CORO7: variants seen among roughly 807,000 people sequenced by gnomAD.
The protein encoded by CORO7 is coronin-7.
CORO7 carries 107 observed loss-of-function variants against 126.6 expected under a neutral mutation model. The ratio of observed to expected loss-of-function variants is 0.85; its 90% CI spans 0.72 to 0.99. CORO7 has a LOEUF of 0.99. Ranked by LOEUF, CORO7 falls within the 50% of genes least tolerant of loss-of-function variation. The pLI is 0.00. For synonymous variants in CORO7, 603 were observed against 536.8 expected (o/e 1.12, Z -1.70); for missense variants, 1,314 against 1,255.8 (o/e 1.05, Z -0.70).
At position 4,408,095 on chromosome 16, in the gene CORO7, A is replaced by G. The variant is rs552412907; in HGVS notation, c.303+86T>C. ...GTGGGGCTGGACTGGGAGGCAGCAGAGCCCTGTGGGGATGGCGCTGGGGCT... is the reference window on the plus strand; with the variant it reads ...GTGGGGCTGGACTGGGAGGCAGCAGGGCCCTGTGGGGATGGCGCTGGGGCT... On this transcript the variant is annotated intron_variant, in intron 4 of 27. Coordinates refer to ENST00000251166, the MANE Select transcript of CORO7 (RefSeq NM_024535.5). 78 of 1,591,648 alleles carry G rather than the reference A, an allele frequency of 4.9e-5. No individual in the cohort carries two copies. In the African/African-American group the frequency reaches 8.2e-4, roughly 17 times the overall value.
rs2055333240 is a variant in CORO7 at position 4,390,047 on chromosome 16, T to A, written c.616-1416A>T. On this transcript the variant is annotated intron_variant, in intron 7 of 27. Transcript: ENST00000251166. ...CCACACACTATTCGAGATGACATGG[T>A]GAATAAAATGGGGAAAGTCCCTGTG... 2.6e-5 allele frequency among the ~76,000 whole-genome samples: 4 copies of A among 152,018 alleles called. No homozygotes were observed. The South Asian group carries it at 8.3e-4, about 32-fold the overall frequency.
At chr16:4,390,315 C>A (rs2055343349) in intron 7 of CORO7, among the ~76,000 whole-genome samples, 1 of 151,900 alleles carries the variant, frequency 6.6e-6, no homozygotes, top group Non-Finnish European at 1.5e-5. Flanking sequence ...TTAACCTTTC[C>A]TATGGTGCTG....
At chr16:4,407,927 G>A (rs1278364192) in intron 4 of CORO7, among the ~76,000 whole-genome samples, 2 of 152,170 alleles carry the variant, frequency 1.3e-5, no homozygotes, top group Admixed American at 1.3e-4. Flanking sequence ...CAGAGTTGGG[G>A]AAGTGGCTCT....
In CORO7 at chr16:4,360,975, C is replaced by G. The variant is rs201960728; in HGVS notation, c.1885G>C (p.Asp629His). The G allele has an allele frequency of 3.7e-5, 60 of 1,612,656 alleles. No individual in the cohort carries two copies. Among genetic ancestry groups the G allele is most frequent in the Admixed American group, 3.0e-4 (18 of 60,026 alleles). The change falls in exon 19 of 28, where the codon GAT (aspartate) becomes CAT (histidine). Residue 629 changes from aspartate (D) to histidine (H), a missense_variant. Physicochemically the swap from Asp to His is moderately conservative, Grantham distance 81. Coordinates refer to ENST00000251166, the MANE Select transcript of CORO7 (RefSeq NM_024535.5). The part of the protein sequence containing the change: ...VRIWDLQAGA[D>H]RLKLQGHQDQ... ...TGGTGGCCCTGCAGCTTCAGCCGAT[C>G]AGCTCCAGCCTGAAGGTCCCAGATG...
At chr16:4,355,454 G>A in intron 26 of CORO7, 82 bp from the exon 27 acceptor site, 2 of 1,442,678 alleles carry the variant, frequency 1.4e-6, no homozygotes, top group Non-Finnish European at 1.9e-6. Flanking sequence ...ACCCTGACAA[G>A]GCTGTGAAAA....
At chr16:4,372,175 G>A (rs1049629592) in intron 9 of CORO7, among the ~76,000 whole-genome samples, 3 of 152,006 alleles carry the variant, frequency 2.0e-5, no homozygotes, top group Non-Finnish European at 2.9e-5. Context: ...CTCCCCCGCC[G>A]TCCTGGGGCG....
intron 9 of CORO7, 66 bp downstream of exon 9, chr16:4,387,920 G>A: frequency 6.3e-7 from 1 of 1,590,296 alleles, no homozygotes; most frequent in Non-Finnish European, 8.6e-7. Flanking sequence ...GGCCGGATCA[G>A]GTGCCCTCAC....
At chr16:4,399,661 G>A (rs143311218) in intron 6 of CORO7, among the ~76,000 whole-genome samples, 20 of 152,238 alleles carry the variant, frequency 1.3e-4, no homozygotes, top group Admixed American at 2.0e-4. Context: ...AGGTCAAGGC[G>A]GGAGGATCAT....
At chr16:4,355,659 G>C (rs112842084) in intron 26 of CORO7, 12,201 of 368,792 alleles carry the variant, frequency 0.033, 278 homozygotes, top group Admixed American at 0.091. Context: ...TAGTAGAGAC[G>C]GGGGTTTCAC....
chr16:4,373,017 G>A (rs951057047), intron 9 of CORO7, among the ~76,000 whole-genome samples: 4 of 152,178 alleles, frequency 2.6e-5, no homozygotes, highest in African/African-American at 9.7e-5. Flanking sequence ...TTTGGGTGTT[G>A]AGGGCATAGA....
At chr16:4,368,781 G>A (rs534040592) in intron 9 of CORO7, among the ~76,000 whole-genome samples, 148 of 151,802 alleles carry the variant, frequency 9.7e-4, no homozygotes, top group Non-Finnish European at 3.4e-4. Flanking sequence ...CATCAGCCTG[G>A]GTAACACAGC....
intron 3 of CORO7, among the ~76,000 whole-genome samples, chr16:4,409,123 C>T (rs1156690578): frequency 1.3e-5 from 2 of 152,104 alleles, no homozygotes; most frequent in Non-Finnish European, 2.9e-5. Context: ...GTGAACAGGA[C>T]GAGAGGTATC....
chr16:4,379,223 G>A (rs892657070), intron 9 of CORO7, among the ~76,000 whole-genome samples: 3 of 152,116 alleles, frequency 2.0e-5, no homozygotes, highest in Admixed American at 2.0e-4. Flanking sequence ...CAGCACAAAG[G>A]GCTCTTGTGT....
At position 4,413,376 on chromosome 16, in the gene CORO7, G is replaced by A. The variant is rs2056286633; in HGVS notation, c.89C>T (p.Thr30Ile). The change falls in exon 2 of 28, where the codon ACC (threonine) becomes ATC (isoleucine). Residue 30 changes from threonine to isoleucine, a missense_variant. Physicochemically the swap from Thr to Ile is moderately conservative, Grantham distance 89 (BLOSUM62 -1). Transcript: ENST00000251166. ...ESWISDIRAG[T>I]APSCRNHIKS... is the part of the protein sequence containing the mutation. ...GATGTGGTTCCTGCATGAAGGGGCG[G>A]TTCCTGCTCGAATGTCACTGATCCA... The A allele has an allele frequency of 6.3e-7, 1 of 1,580,828 alleles. No homozygotes were observed. Among genetic ancestry groups the A allele is most frequent in the Non-Finnish European group, 8.6e-7 (1 of 1,162,110 alleles).
rs752293415 is a variant in CORO7 at position 4,381,566 on chromosome 16, G to A, written c.785+6420C>T. 37 of 1,605,300 alleles carry A rather than the reference G, an allele frequency of 2.3e-5. No individual in the cohort carries two copies. In the Admixed American group the frequency reaches 3.9e-4, roughly 17 times the overall value. On this transcript the variant is annotated intron_variant, in intron 9 of 27. Transcript: ENST00000251166. The stretch of plus-strand genomic sequence containing the variant: ...GATGTGTCCGACAACCAGCTGGAGC[G>A]AGTGCCACCTGTGATCCGAGGCCTC...
At position 4,388,766 on chromosome 16, in the gene CORO7, C is replaced by T; in HGVS notation, c.616-135G>A. ...TCACAGAGGGTGGGAAGGGCTGGGT[C>T]CTTCTCCACGTCCCCACTGGGACCA... On this transcript the variant is annotated intron_variant, in intron 7 of 27. Transcript: ENST00000251166. 8.3e-6 allele frequency: 8 copies of T among 961,724 alleles called. No individual in the cohort carries two copies. The South Asian group carries it at 1.3e-4, about 15-fold the overall frequency. 59.6% of individuals were successfully genotyped at this position (961,724 alleles called of 1,614,324 possible).
chr16:4,361,531 G>C, intron 16 of CORO7, 62 bp from the exon 17 acceptor site: 1 of 1,572,854 alleles, frequency 6.4e-7, no homozygotes, highest in Non-Finnish European at 8.6e-7. Context: ...AGTCCCCAGG[G>C]GCTGCGGGCA....
chr16:4,397,967 A>G (rs994344794), intron 6 of CORO7, among the ~76,000 whole-genome samples: 26 of 151,806 alleles, frequency 1.7e-4, no homozygotes, highest in African/African-American at 6.3e-4. Context: ...CCCAGGCCCA[A>G]GCGCAGCAGT....
At chr16:4,382,987 G>T in intron 9 of CORO7, 1 of 1,364,408 alleles carries the variant, frequency 7.3e-7, no homozygotes, top group Middle Eastern at 2.3e-4. Context: ...TAAGTTCTCA[G>T]TCCCAACCTC....
Sources: gnomAD v4.1 joint callset for allele counts (sites outside exome capture counted in the v4.1 genomes callset) on GRCh38, gnomAD v4.1.1 for gene constraint, MANE v1.5 for transcripts, NCBI Gene and HGNC (gene_info 2026-07-23, HGNC 2026-07-21) for gene names.